The following CRTAC1 variants were observed in gnomAD, a reference collection of about 807,000 sequenced individuals.
CRTAC1 encodes acidic secreted protein in cartilage.
CRTAC1 carries 37 observed loss-of-function variants against 67.8 expected under a neutral mutation model. The ratio of observed to expected loss-of-function variants is 0.55; its 90% confidence interval spans 0.42 to 0.72. The LOEUF (loss-of-function observed/expected upper bound fraction) is 0.72. Ranked by LOEUF, CRTAC1 falls within the 30% of genes least tolerant of loss-of-function variation. The probability of loss-of-function intolerance (pLI) is 0.00; values close to 1 mark genes in which losing one functional copy is unlikely to be tolerated. For synonymous variants in CRTAC1, 348 were observed against 371.0 expected (o/e 0.94, Z 0.71); for missense variants, 780 against 931.6 (o/e 0.84, Z 2.12).
chr10:97,952,538 C>CAAAAAA (rs397844653), intron 2 of CRTAC1, among the ~76,000 whole-genome samples: 54 of 64,136 alleles, frequency 8.4e-4, no homozygotes, highest in African/African-American at 1.6e-3. Context: ...AATTCCATCT[C>CAAAAAA]AAAAAAAAAA....
chr10:97,948,137 A>G (rs544742), intron 2 of CRTAC1, among the ~76,000 whole-genome samples: 54,227 of 150,994 alleles, frequency 0.36, 10,215 homozygotes, highest in Non-Finnish European at 0.43. Flanking sequence ...CTTCTGAGCT[A>G]ATGTGATTAG....
chr10:97,929,318 G>A (rs2050967930), intron 3 of CRTAC1, among the ~76,000 whole-genome samples: 1 of 152,128 alleles, frequency 6.6e-6, no homozygotes, highest in Non-Finnish European at 1.5e-5. Flanking sequence ...GCCACATTTG[G>A]GACAGAGATG....
chr10:97,984,264 G>A (rs1193424343), intron 2 of CRTAC1, among the ~76,000 whole-genome samples: 1 of 152,202 alleles, frequency 6.6e-6, no homozygotes, highest in African/African-American at 2.4e-5. Context: ...TCTAGATAAT[G>A]AGATGGGCTA....
At chr10:97,989,259 C>T (rs1308092462) in intron 2 of CRTAC1, among the ~76,000 whole-genome samples, 4 of 151,446 alleles carry the variant, frequency 2.6e-5, no homozygotes, top group Non-Finnish European at 5.9e-5. Context: ...ATAAATCAAT[C>T]TCTCTCTCTC....
At chr10:97,997,986 T>C (rs1205956232) in intron 2 of CRTAC1, among the ~76,000 whole-genome samples, 4 of 152,146 alleles carry the variant, frequency 2.6e-5, no homozygotes, top group Admixed American at 2.0e-4. Flanking sequence ...TGCTTTTTTT[T>C]TGAGACAGGG....
intron 2 of CRTAC1, among the ~76,000 whole-genome samples, chr10:97,950,600 G>A (rs1229237971): frequency 6.6e-6 from 1 of 152,186 alleles, no homozygotes; most frequent in Non-Finnish European, 1.5e-5. Flanking sequence ...GGCCTTGTTG[G>A]GGCAGAGAAC....
intron 14 of CRTAC1, chr10:97,879,842 A>AATTCAG: frequency 1.6e-6 from 1 of 619,354 alleles, no homozygotes; most frequent in Non-Finnish European, 2.7e-6. Flanking sequence ...AATGGGAAAA[A>AATTCAG]GAGAAAGGGG....
intron 2 of CRTAC1, among the ~76,000 whole-genome samples, chr10:97,969,889 C>T (rs887383990): frequency 6.6e-6 from 1 of 152,096 alleles, no homozygotes; most frequent in African/African-American, 2.4e-5. Flanking sequence ...CTTTAAATAC[C>T]ATCTACCCGC....
At position 97,975,777 on chromosome 10, in the gene CRTAC1, C is replaced by T. The variant is rs2051790142; in HGVS notation, c.224+35361G>A. Reference sequence around the variant, plus strand: ...GGCCCTGTCTAAATGCTCCTCCGCCCTCTGTGCCAAGAGCCTCTCCACCTG... The same window carrying T: ...GGCCCTGTCTAAATGCTCCTCCGCCTTCTGTGCCAAGAGCCTCTCCACCTG... On this transcript the variant is annotated intron_variant, in intron 2 of 14. Transcript: ENST00000370597. This position sits in a 1 kb window ranked among gnomAD's most constrained non-coding sequence, Gnocchi z 4.8. Among the ~76,000 whole-genome samples, 1 of 152,350 alleles carries T rather than the reference C, an allele frequency of 6.6e-6. No homozygotes were observed. Among genetic ancestry groups the T allele is most frequent in the Admixed American group, 6.5e-5 (1 of 15,308 alleles).
intron 1 of CRTAC1, among the ~76,000 whole-genome samples, chr10:98,019,834 G>C (rs1843079407): frequency 6.6e-6 from 1 of 152,164 alleles, no homozygotes; most frequent in African/African-American, 2.4e-5. Flanking sequence ...AATAAAGGTG[G>C]CATTTCCCTC....
At chr10:98,002,767 T>C (rs920659960) in intron 2 of CRTAC1, among the ~76,000 whole-genome samples, 5 of 87,534 alleles carry the variant, frequency 5.7e-5, no homozygotes, top group Non-Finnish European at 8.9e-5. Context: ...CTCACTTTTT[T>C]TTTTTTTTTT....
rs1005397637 is a variant in CRTAC1 at position 97,901,757 on chromosome 10, C to T, written c.997-118G>A. The T allele has an allele frequency of 2.6e-5, 33 of 1,258,158 alleles. No individual in the cohort carries two copies. In the African/African-American group the frequency reaches 3.1e-4, roughly 12 times the overall value. The allele number at this position is 1,258,158 out of a possible 1,614,324, so 77.9% of individuals were successfully genotyped here. On this transcript the variant is annotated intron_variant, in intron 7 of 14. Transcript: ENST00000370597. ...AAGAGACAGTCCAACCCAAAAGCTC[C>T]TCTCCTGCCTCCCGCAAAGGACCTG...
At chr10:98,006,804 G>C (rs1171789274) in intron 2 of CRTAC1, among the ~76,000 whole-genome samples, 1 of 152,164 alleles carries the variant, frequency 6.6e-6, no homozygotes, top group Non-Finnish European at 1.5e-5. Flanking sequence ...GTAATGGAAA[G>C]GTCTATAAGG....
Position 97,914,047 on chromosome 10 carries a change from C to T in CRTAC1, c.715+3453G>A, listed in dbSNP as rs137903315. ...GAATTTCTTTTAAGGCTTCTTTAAT[C>T]ACCACCTTGCAGCCTGGACAGATGC... On this transcript the variant is annotated intron_variant, in intron 5 of 14. Coordinates refer to ENST00000370597, the MANE Select transcript of CRTAC1 (RefSeq NM_018058.7). Among the ~76,000 whole-genome samples the T allele has an allele frequency of 4.4e-4, 67 of 152,358 alleles. 2 individuals are homozygous for T. In the East Asian group the frequency reaches 0.012, roughly 28 times the overall value.
intron 11 of CRTAC1, among the ~76,000 whole-genome samples, chr10:97,888,120 A>G (rs1015896325): frequency 6.6e-6 from 1 of 152,060 alleles, no homozygotes; most frequent in Non-Finnish European, 1.5e-5. Context: ...ACCCTATCCC[A>G]CGCCCAGCAG....
chr10:98,021,323 T>C (rs1843115763), intron 1 of CRTAC1, among the ~76,000 whole-genome samples: 1 of 152,002 alleles, frequency 6.6e-6, no homozygotes, highest in Non-Finnish European at 1.5e-5. Context: ...TGGAGACAGC[T>C]CTAGACACTG....
chr10:97,900,649 C>T (rs11593454), intron 8 of CRTAC1, among the ~76,000 whole-genome samples: 4 of 110,602 alleles, frequency 3.6e-5, no homozygotes, highest in Admixed American at 9.9e-5. Flanking sequence ...TAGCCCCTTT[C>T]TGTGGTAGTG....
intron 2 of CRTAC1, among the ~76,000 whole-genome samples, chr10:97,952,928 C>G (rs770465762): frequency 6.6e-6 from 1 of 152,118 alleles, no homozygotes; most frequent in Non-Finnish European, 1.5e-5. Flanking sequence ...ATATGTCCTC[C>G]CTGAGGATGG....
At chr10:97,880,050 C>G (rs1432031926) in intron 14 of CRTAC1, among the ~76,000 whole-genome samples, 199 bp downstream of exon 14, 1 of 152,170 alleles carries the variant, frequency 6.6e-6, no homozygotes, top group Non-Finnish European at 1.5e-5. Flanking sequence ...TCCCCTGGCC[C>G]TTCAGGTGAT....
Sources: allele counts gnomAD v4.1 joint callset (sites outside exome capture counted in the v4.1 genomes callset), GRCh38; gene constraint gnomAD v4.1.1; non-coding constraint Gnocchi (gnomAD v3.1); transcripts MANE v1.5; gene names NCBI Gene and HGNC (gene_info 2026-07-23, HGNC 2026-07-21).